The following FOXP1 variants were observed in gnomAD, a reference collection of about 807,000 sequenced individuals.
FOXP1 encodes the protein forkhead box protein P1.
FOXP1 carries 15 observed loss-of-function variants against 98.2 expected under a neutral mutation model. That is an observed-to-expected ratio of 0.15 (90% confidence interval 0.10 to 0.24). FOXP1 has a LOEUF of 0.24. Among genes scored for constraint, FOXP1 ranks in the 10% least tolerant of loss-of-function variants. FOXP1 has a pLI of 1.00. For synonymous variants in FOXP1, 371 were observed against 314.5 expected (o/e 1.18, Z -1.90); for missense variants, 633 against 848.5 (o/e 0.75, Z 3.15).
At chr3:71,112,733 T>C (rs1232925286) in intron 6 of FOXP1, 96 bp from the exon 7 acceptor site, 25 of 836,716 alleles carry the variant, frequency 3.0e-5, no homozygotes, top group Non-Finnish European at 4.7e-5. Context: ...TGGGACTGGG[T>C]CCTGACTTTC....
At chr3:71,565,988 C>T (rs74459025) in intron 2 of FOXP1, among the ~76,000 whole-genome samples, 65 of 152,236 alleles carry the variant, frequency 4.3e-4, no homozygotes, top group African/African-American at 1.5e-3. Flanking sequence ...GAACACAGAT[C>T]CATGTGTTAC....
At chr3:71,363,173 GA>G (rs972933052) in intron 3 of FOXP1, among the ~76,000 whole-genome samples, 6 of 151,496 alleles carry the variant, frequency 4.0e-5, no homozygotes, top group Non-Finnish European at 8.8e-5. Flanking sequence ...TTAAAAAATT[GA>G]AAATTTTTTC....
intron 3 of FOXP1, among the ~76,000 whole-genome samples, chr3:71,415,087 C>G (rs1307185320): frequency 6.6e-6 from 1 of 152,194 alleles, no homozygotes; most frequent in Non-Finnish European, 1.5e-5. Context: ...TCACCTATAT[C>G]TGAACTACCT....
At chr3:71,434,043 C>T (rs570890229) in intron 3 of FOXP1, among the ~76,000 whole-genome samples, 9 of 152,186 alleles carry the variant, frequency 5.9e-5, no homozygotes, top group Non-Finnish European at 7.3e-5. Flanking sequence ...GTGTCTACTA[C>T]ACAAATGCTT....
At chr3:71,059,744 T>G (rs2051211012) in intron 7 of FOXP1, among the ~76,000 whole-genome samples, 1 of 152,104 alleles carries the variant, frequency 6.6e-6, no homozygotes, top group African/African-American at 2.4e-5. Flanking sequence ...CATGTTTAAG[T>G]GCTGCAAATG....
At chr3:71,057,295 T>A (rs974448985) in intron 7 of FOXP1, among the ~76,000 whole-genome samples, 6 of 89,054 alleles carry the variant, frequency 6.7e-5, no homozygotes, top group Non-Finnish European at 9.8e-5. Context: ...ACGAAACTTT[T>A]TTTTTTTTTT....
intron 3 of FOXP1, among the ~76,000 whole-genome samples, chr3:71,372,204 T>C (rs2079386149): frequency 1.3e-5 from 2 of 150,506 alleles, no homozygotes; most frequent in Non-Finnish European, 3.0e-5. Context: ...GTACTTTTAG[T>C]AGAGACAGGG....
intron 3 of FOXP1, among the ~76,000 whole-genome samples, chr3:71,474,196 G>C (rs1241543868): frequency 6.6e-6 from 1 of 152,058 alleles, no homozygotes; most frequent in African/African-American, 2.4e-5. Flanking sequence ...TTTTCTCTCT[G>C]TGGCTTAAGC....
At chr3:71,035,160 G>A (rs1245404525) in intron 11 of FOXP1, among the ~76,000 whole-genome samples, 1 of 152,122 alleles carries the variant, frequency 6.6e-6, no homozygotes, top group Non-Finnish European at 1.5e-5. Context: ...AAGCTTCCAG[G>A]TCACAGCAGA....
intron 6 of FOXP1, among the ~76,000 whole-genome samples, chr3:71,158,831 C>T (rs555385908): frequency 4.6e-5 from 7 of 151,074 alleles, no homozygotes; most frequent in Non-Finnish European, 4.4e-5. Context: ...AAGGGCCAAG[C>T]AAGGTGGCTC....
At chr3:71,312,251 G>A (rs1032514256) in intron 4 of FOXP1, among the ~76,000 whole-genome samples, 2 of 152,212 alleles carry the variant, frequency 1.3e-5, no homozygotes, top group African/African-American at 4.8e-5. Flanking sequence ...AACAAGCTCA[G>A]CATCTGGACT....
At chr3:71,000,046 C>G (rs528015059) in intron 13 of FOXP1, among the ~76,000 whole-genome samples, 1 of 152,208 alleles carries the variant, frequency 6.6e-6, no homozygotes, top group Admixed American at 6.5e-5. Context: ...CAGGCTGTTG[C>G]AATTGTACAT....
chr3:71,246,780 C>A (rs1349304873), intron 5 of FOXP1, among the ~76,000 whole-genome samples: 2 of 152,168 alleles, frequency 1.3e-5, no homozygotes, highest in African/African-American at 4.8e-5. Context: ...AGCACTCACC[C>A]AATAATAACT....
intron 13 of FOXP1, among the ~76,000 whole-genome samples, chr3:70,998,689 G>A (rs1253850076): frequency 6.6e-6 from 1 of 152,074 alleles, no homozygotes. Flanking sequence ...AAGGATAAAA[G>A]GAAATCTAGA....
chr3:71,280,405 C>A (rs1217071379), intron 5 of FOXP1, among the ~76,000 whole-genome samples: 1 of 151,588 alleles, frequency 6.6e-6, no homozygotes, highest in African/African-American at 2.4e-5. Flanking sequence ...ACTGCAACCT[C>A]CGCCTCCCTG....
intron 6 of FOXP1, among the ~76,000 whole-genome samples, chr3:71,145,232 A>AT (rs2060253054): frequency 6.6e-6 from 1 of 151,450 alleles, no homozygotes; most frequent in African/African-American, 2.4e-5. Context: ...TTATTTATTT[A>AT]TTTTTTTTAA....
chr3:71,327,015 C>T (rs2075732145), intron 4 of FOXP1, among the ~76,000 whole-genome samples: 1 of 152,100 alleles, frequency 6.6e-6, no homozygotes, highest in Non-Finnish European at 1.5e-5. Flanking sequence ...AGTCCCAATT[C>T]ATATAGCTAA....
intron 7 of FOXP1, among the ~76,000 whole-genome samples, chr3:71,062,240 A>G (rs1193477746): frequency 6.6e-6 from 1 of 152,222 alleles, no homozygotes; most frequent in Non-Finnish European, 1.5e-5. Flanking sequence ...GCATGCCTTT[A>G]GATGCATTAT....
At chr3:71,292,281 T>G (rs190392533) in intron 5 of FOXP1, among the ~76,000 whole-genome samples, 154 of 152,300 alleles carry the variant, frequency 1.0e-3, no homozygotes, top group Non-Finnish European at 1.7e-3. Flanking sequence ...ATAATCACAG[T>G]CCATCCAACA....
Sources: allele counts gnomAD v4.1 joint callset (sites outside exome capture counted in the v4.1 genomes callset), GRCh38; gene constraint gnomAD v4.1.1; transcripts MANE v1.5; gene names NCBI Gene and HGNC (gene_info 2026-07-23, HGNC 2026-07-21).